RASGRP3: variants seen among roughly 807,000 people sequenced by gnomAD.
RASGRP3 encodes the protein RAS guanyl releasing protein 3.
A neutral mutation model predicts 82.7 loss-of-function variants in RASGRP3; 54 were observed. That is an observed-to-expected ratio of 0.65 (90% CI 0.52 to 0.82). The LOEUF (loss-of-function observed/expected upper bound fraction) is 0.82. RASGRP3 is among the 40% of genes least tolerant of loss of function. The pLI, the probability that RASGRP3 is intolerant of heterozygous loss-of-function variation, is 0.00. For synonymous variants in RASGRP3, 309 were observed against 300.5 expected (o/e 1.03, Z -0.29); for missense variants, 861 against 828.9 (o/e 1.04, Z -0.48).
chr2:33,506,367 T>A (rs557173264), intron 1 of RASGRP3, among the ~76,000 whole-genome samples: 128 of 152,336 alleles, frequency 8.4e-4, no homozygotes, highest in African/African-American at 3.0e-3. Context: ...ACTTAACTAG[T>A]AACATGATAC....
upstream of RASGRP3, chr2:33,476,381 C>G (rs1205297743): frequency 6.6e-6 from 1 of 152,236 alleles, no homozygotes; most frequent in Admixed American, 6.5e-5. Context: ...TTTCCACTTG[C>G]AGTGACCTGC....
intron 2 of RASGRP3, among the ~76,000 whole-genome samples, chr2:33,468,021 T>C (rs1346215768): frequency 6.6e-6 from 1 of 150,582 alleles, no homozygotes; most frequent in African/African-American, 2.5e-5. Context: ...TCTTTCTTTC[T>C]TTCTTTCTTT....
At chr2:33,526,399 G>GTTGT (rs1297486950) in intron 9 of RASGRP3, among the ~76,000 whole-genome samples, 2 of 152,174 alleles carry the variant, frequency 1.3e-5, no homozygotes, top group Non-Finnish European at 2.9e-5. Flanking sequence ...CAGAAGTACC[G>GTTGT]TTGTTTGACC....
chr2:33,494,654 A>G (rs2150965815), intron 1 of RASGRP3, among the ~76,000 whole-genome samples: 1 of 152,326 alleles, frequency 6.6e-6, no homozygotes, highest in Non-Finnish European at 1.5e-5. Flanking sequence ...CTAAGCACGA[A>G]TAGGTACATA....
intron 14 of RASGRP3, among the ~76,000 whole-genome samples, chr2:33,551,441 A>G (rs1328840787): frequency 6.6e-6 from 1 of 152,238 alleles, no homozygotes; most frequent in East Asian, 1.9e-4. Context: ...AGTGGGACCC[A>G]GTAAACAAAA....
intron 10 of RASGRP3, chr2:33,530,987 T>C (rs962377033): frequency 6.6e-6 from 1 of 152,238 alleles, no homozygotes; most frequent in African/African-American, 2.4e-5. Flanking sequence ...TTTAGCCCTA[T>C]CAGTTACTTT....
At chr2:33,510,426 G>C (rs574764228) in intron 1 of RASGRP3, among the ~76,000 whole-genome samples, 1 of 152,294 alleles carries the variant, frequency 6.6e-6, no homozygotes, top group East Asian at 1.9e-4. Context: ...ATCTCTGACA[G>C]TCATGACCTA....
intron 1 of RASGRP3, among the ~76,000 whole-genome samples, chr2:33,480,630 A>G (rs1667808719): frequency 6.6e-6 from 1 of 152,226 alleles, no homozygotes; most frequent in African/African-American, 2.4e-5. Context: ...TCCTTTTACA[A>G]TAAGGAAACA....
chr2:33,524,394 G>C (rs1672322375), intron 8 of RASGRP3, 38 bp from the exon 9 acceptor site: 1 of 1,326,928 alleles, frequency 7.5e-7, no homozygotes. Context: ...AGAATAATTT[G>C]AAAATCCTTA....
intron 1 of RASGRP3, among the ~76,000 whole-genome samples, chr2:33,438,518 C>T (rs1335709022): frequency 2.0e-5 from 3 of 150,290 alleles, no homozygotes; most frequent in South Asian, 2.1e-4. Flanking sequence ...GCCGGGATCG[C>T]GCCACTGCCC....
intron 4 of RASGRP3, among the ~76,000 whole-genome samples, chr2:33,517,234 C>T (rs1457421320): frequency 6.6e-6 from 1 of 152,212 alleles, no homozygotes; most frequent in Admixed American, 6.5e-5. Context: ...AGGCTTTTAG[C>T]AGTCTACCAG....
intron 1 of RASGRP3, chr2:33,482,528 CT>C (rs1441940217): frequency 2.0e-5 from 3 of 152,180 alleles, no homozygotes; most frequent in Non-Finnish European, 4.4e-5. Flanking sequence ...AAAGTTCTGC[CT>C]GAGTATAGCA....
At chr2:33,459,892 C>T (rs1666263553) in intron 2 of RASGRP3, among the ~76,000 whole-genome samples, 1 of 152,114 alleles carries the variant, frequency 6.6e-6, no homozygotes, top group Admixed American at 6.5e-5. Context: ...CTCTAAACTC[C>T]ATATTAGAAT....
intron 2 of RASGRP3, among the ~76,000 whole-genome samples, chr2:33,458,893 T>G (rs897101229): frequency 4.6e-5 from 7 of 152,160 alleles, no homozygotes; most frequent in Non-Finnish European, 1.0e-4. Flanking sequence ...TGATCGAAAT[T>G]GTGGTATGTG....
intron 2 of RASGRP3, among the ~76,000 whole-genome samples, chr2:33,461,556 G>C (rs1666367880): frequency 6.6e-6 from 1 of 152,248 alleles, no homozygotes; most frequent in Non-Finnish European, 1.5e-5. Context: ...GGGATTGCAG[G>C]CGTGAGCCAA....
At chr2:33,537,405 G>T (rs1338557952) in intron 11 of RASGRP3, among the ~76,000 whole-genome samples, 1 of 146,042 alleles carries the variant, frequency 6.8e-6, no homozygotes, top group Admixed American at 7.2e-5. Flanking sequence ...GTGTCTCCCA[G>T]GCTGGAGTAC....
rs1234001408 is a variant in RASGRP3 at position 33,521,988 on chromosome 2, G to C, written c.402G>C (p.Gln134His). The change falls in exon 7 of 18, where the codon CAG becomes CAC. Residue 134 changes from glutamine to histidine, a missense_variant. By Grantham distance (24) the Gln-to-His change is conservative. Transcript: ENST00000403687. Reference sequence around the variant, plus strand: ...ATGACTGGATGAGAAGAGTCACACAGAGGAAAAAAGTATCCAAGAAGGGAA... The same window carrying C: ...ATGACTGGATGAGAAGAGTCACACACAGGAAAAAAGTATCCAAGAAGGGAA... ...PSYDWMRRVT[Q>H]RKKVSKKGKA... 2.5e-6 allele frequency: 4 copies of C among 1,613,602 alleles called. No homozygotes were observed. The highest frequency in any genetic ancestry group is 1.6e-4 in the Middle Eastern group (1 of 6,084).
At chr2:33,548,275 G>C (rs1675004221) in intron 13 of RASGRP3, among the ~76,000 whole-genome samples, 1 of 148,848 alleles carries the variant, frequency 6.7e-6, no homozygotes. Context: ...GCAGGAGAAT[G>C]GCGTGAACCT....
exon 1 of RASGRP3, chr2:33,436,387 G>T (rs141122092): frequency 1.3e-4 from 20 of 152,264 alleles, no homozygotes; most frequent in African/African-American, 4.6e-4. Context: ...TTGTTGTTAG[G>T]CATAAACAGC....
Sources: gnomAD v4.1 joint callset for allele counts (sites outside exome capture counted in the v4.1 genomes callset) on GRCh38, gnomAD v4.1.1 for gene constraint, MANE v1.5 for transcripts, NCBI Gene and HGNC (gene_info 2026-07-23, HGNC 2026-07-21) for gene names.